Variants in DIS3L2 observed in about 807,000 individuals in gnomAD.
The protein encoded by DIS3L2 is DIS3-like exonuclease 2.
Under a neutral mutation model 97.5 loss-of-function variants are expected in DIS3L2, and 34 were observed. The ratio of observed to expected loss-of-function variants is 0.35; its 90% CI spans 0.27 to 0.46. The LOEUF (loss-of-function observed/expected upper bound fraction) is 0.46, where lower values mean the gene tolerates loss of function less well. Among genes scored for constraint, DIS3L2 ranks in the 20% least tolerant of loss-of-function variants. DIS3L2 has a pLI of 1.00. For synonymous variants in DIS3L2, 435 were observed against 445.2 expected (o/e 0.98, Z 0.29); for missense variants, 1,038 against 1,146.0 (o/e 0.91, Z 1.36).
chr2:231,980,328 C>T (rs182683038), intron 1 of DIS3L2, among the ~76,000 whole-genome samples: 8 of 152,318 alleles, frequency 5.3e-5, no homozygotes, highest in Middle Eastern at 3.4e-3. Flanking sequence ...TCCATAAGCT[C>T]ATTGGCTGTA....
intron 1 of DIS3L2, among the ~76,000 whole-genome samples, chr2:231,990,922 A>G (rs1559520945): frequency 6.6e-6 from 1 of 152,198 alleles, no homozygotes; most frequent in Non-Finnish European, 1.5e-5. Flanking sequence ...ATATGAATTT[A>G]TAAGAGAATT....
chr2:232,181,932 G>A (rs771876335), intron 9 of DIS3L2, among the ~76,000 whole-genome samples: 1 of 152,056 alleles, frequency 6.6e-6, no homozygotes, highest in African/African-American at 2.4e-5. Context: ...GATTACAGGC[G>A]TGAGCCACCG....
chr2:231,971,914 C>T (rs893197616), intron 1 of DIS3L2, among the ~76,000 whole-genome samples: 25 of 146,148 alleles, frequency 1.7e-4, no homozygotes, highest in East Asian at 1.4e-3. Flanking sequence ...TGGCCAGGCA[C>T]GGTGGCTCAC....
At chr2:231,970,109 TTTTG>T (rs1248078618) in intron 1 of DIS3L2, among the ~76,000 whole-genome samples, 3 of 152,114 alleles carry the variant, frequency 2.0e-5, no homozygotes, top group East Asian at 3.9e-4. Context: ...GCTGATTTTT[TTTTG>T]TTTGTTTGTT....
At chr2:232,221,958 T>C (rs1176090142) in intron 10 of DIS3L2, among the ~76,000 whole-genome samples, 1 of 152,102 alleles carries the variant, frequency 6.6e-6, no homozygotes, top group Non-Finnish European at 1.5e-5. Flanking sequence ...TTCTTTTTTT[T>C]TTGAGATGGA....
At chr2:231,984,773 C>T (rs1184624557) in intron 1 of DIS3L2, among the ~76,000 whole-genome samples, 2 of 152,086 alleles carry the variant, frequency 1.3e-5, no homozygotes, top group Non-Finnish European at 2.9e-5. Flanking sequence ...GCGTGCGCCA[C>T]GGCACCCAGC....
chr2:232,202,269 G>A (rs761414459), intron 9 of DIS3L2, among the ~76,000 whole-genome samples: 7 of 152,118 alleles, frequency 4.6e-5, no homozygotes, highest in Non-Finnish European at 7.3e-5. Context: ...GTGGTGGCAC[G>A]CACCTGTAGT....
At position 232,337,105 on chromosome 2, in the gene DIS3L2, G is replaced by C. The variant is rs745474291; in HGVS notation, c.*475G>C. ...GTCAACACCTGGAACTTTCCTGTCA[G>C]TTCCAACACGATTCAGAGCTGGCTG... is the stretch of plus-strand genomic sequence containing the variant. On this transcript the variant is annotated 3_prime_UTR_variant, in exon 21 of 21. Coordinates refer to ENST00000325385, the MANE Select transcript of DIS3L2 (RefSeq NM_152383.5). 59 of 1,019,626 alleles carry C rather than the reference G, an allele frequency of 5.8e-5. No individual in the cohort carries two copies. Among genetic ancestry groups the C allele is most frequent in the Non-Finnish European group, 6.8e-5 (58 of 853,390 alleles). 63.2% of individuals were successfully genotyped at this position (1,019,626 alleles called of 1,614,324 possible).
chr2:232,007,899 T>A (rs975068398), intron 1 of DIS3L2, among the ~76,000 whole-genome samples: 2 of 152,202 alleles, frequency 1.3e-5, no homozygotes, highest in Admixed American at 1.3e-4. Context: ...TTTGATGATA[T>A]TTTTTTCTTT....
intron 14 of DIS3L2, among the ~76,000 whole-genome samples, chr2:232,328,298 C>T (rs1265247815): frequency 6.6e-6 from 1 of 152,228 alleles, no homozygotes; most frequent in Non-Finnish European, 1.5e-5. Context: ...CCAGGGGAGG[C>T]GCTAGGGGTG....
intron 1 of DIS3L2, among the ~76,000 whole-genome samples, chr2:232,004,624 G>A (rs534544109): frequency 4.0e-5 from 6 of 148,790 alleles, no homozygotes; most frequent in Non-Finnish European, 7.4e-5. Flanking sequence ...TCTGTTGCCC[G>A]GGCAGGAGTG....
intron 8 of DIS3L2, among the ~76,000 whole-genome samples, chr2:232,157,194 C>A (rs1690516275): frequency 6.6e-6 from 1 of 152,078 alleles, no homozygotes; most frequent in Non-Finnish European, 1.5e-5. Flanking sequence ...ATAATTATGT[C>A]CCCAGAGGTA....
chr2:232,011,079 C>T (rs902660692), intron 1 of DIS3L2, among the ~76,000 whole-genome samples: 2 of 152,178 alleles, frequency 1.3e-5, no homozygotes, highest in African/African-American at 4.8e-5. Context: ...CCTTCTTGTA[C>T]CATGTGACAT....
At chr2:232,341,087 C>A (rs546714173), downstream of DIS3L2, 76 of 377,010 alleles carry the variant, frequency 2.0e-4, no homozygotes, top group African/African-American at 1.4e-3. Context: ...CACATTTCAG[C>A]GCCACTAGAG....
chr2:232,041,494 G>A (rs1695110397), intron 5 of DIS3L2, among the ~76,000 whole-genome samples: 1 of 152,160 alleles, frequency 6.6e-6, no homozygotes. Flanking sequence ...TGATCCTCAA[G>A]CTGGGAGAAT....
intron 5 of DIS3L2, among the ~76,000 whole-genome samples, chr2:232,084,120 T>C (rs1012275683): frequency 2.0e-5 from 3 of 152,178 alleles, no homozygotes; most frequent in Non-Finnish European, 4.4e-5. Flanking sequence ...TTGAGTGATA[T>C]CGGATTCTTT....
Position 232,121,453 on chromosome 2 carries a change from G to A in DIS3L2, c.602-9166G>A, listed in dbSNP as rs575788112. ...GAAAGAGTCTACTCATTCATTTGCT[G>A]TCTGTACACAGGTGACTCCCTTATT... is the stretch of plus-strand genomic sequence containing the variant. On this transcript the variant is annotated intron_variant, in intron 6 of 20. Coordinates refer to ENST00000325385, the MANE Select transcript of DIS3L2 (RefSeq NM_152383.5). 5.3e-5 allele frequency among the ~76,000 whole-genome samples: 8 copies of A among 152,184 alleles called. No individual in the cohort carries two copies. The South Asian group carries it at 1.7e-3, about 32-fold the overall frequency.
intron 9 of DIS3L2, among the ~76,000 whole-genome samples, chr2:232,176,236 G>C (rs1691147998): frequency 6.6e-6 from 1 of 152,028 alleles, no homozygotes. Flanking sequence ...CTAATTTCTT[G>C]GCATACCATT....
Position 232,045,455 on chromosome 2 carries a change from GT to G in DIS3L2, c.366+15377del, listed in dbSNP as rs1487025058. 2.0e-5 allele frequency among the ~76,000 whole-genome samples: 3 copies of G among 152,134 alleles called. No homozygotes were observed. The East Asian group carries it at 5.8e-4, about 29-fold the overall frequency. ...AAGAATAGACATTTATTTTCTCATA[GT>G]TCTGGAGGCTGGGAAGTCAAAGATC... is the stretch of plus-strand genomic sequence containing the variant. On this transcript the variant is annotated intron_variant, in intron 5 of 20. Coordinates refer to ENST00000325385, the MANE Select transcript of DIS3L2 (RefSeq NM_152383.5).
Sources: gnomAD v4.1 joint callset for allele counts (sites outside exome capture counted in the v4.1 genomes callset) on GRCh38, gnomAD v4.1.1 for gene constraint, MANE v1.5 for transcripts, NCBI Gene and HGNC (gene_info 2026-07-23, HGNC 2026-07-21) for gene names.